Variants in PLA2G4E observed in about 807,000 individuals in gnomAD.
The protein encoded by PLA2G4E is phospholipase A2 group IVE.
PLA2G4E carries 84 observed loss-of-function variants against 109.1 expected under a neutral mutation model. The ratio of observed to expected loss-of-function variants is 0.77; its 90% CI spans 0.65 to 0.92. The LOEUF (loss-of-function observed/expected upper bound fraction) is 0.92, where lower values mean the gene tolerates loss of function less well. Among genes scored for constraint, PLA2G4E ranks in the 40% least tolerant of loss-of-function variants. The pLI, the probability that PLA2G4E is intolerant of heterozygous loss-of-function variation, is 0.00. For missense variants in PLA2G4E, 1,057 were observed against 1,076.6 expected, an observed-to-expected ratio of 0.98 and a Z score of 0.25; for synonymous variants, 469 against 436.1, an observed-to-expected ratio of 1.08 and a Z score of -0.94.
At chr15:41,982,818 G>C (rs1413921984) in exon 20 of PLA2G4E, 1 of 152,270 alleles carries the variant, frequency 6.6e-6, no homozygotes, top group Non-Finnish European at 1.5e-5. Context: ...TGGATCACCA[G>C]CCCTGGAGCT....
chr15:42,020,103 C>T (rs540325952), intron 1 of PLA2G4E, among the ~76,000 whole-genome samples: 141 of 152,348 alleles, frequency 9.3e-4, no homozygotes, highest in Middle Eastern at 3.4e-3. Context: ...GGGCATTGGC[C>T]ACCACCCACC....
chr15:42,044,859 G>A (rs1402683697), intron 1 of PLA2G4E, among the ~76,000 whole-genome samples: 1 of 152,136 alleles, frequency 6.6e-6, no homozygotes, highest in Non-Finnish European at 1.5e-5. Context: ...GCAGGACAGG[G>A]ACAGGAAGAT....
chr15:42,043,058 A>T (rs1249802719), intron 1 of PLA2G4E, among the ~76,000 whole-genome samples: 1 of 152,212 alleles, frequency 6.6e-6, no homozygotes, highest in Non-Finnish European at 1.5e-5. Context: ...TCTTAGAATT[A>T]TGCAAGGGGT....
rs555210123 is a variant in PLA2G4E, at chr15:42,013,584, C to G, written c.256+101G>C. On this transcript the variant is annotated intron_variant, in intron 2 of 19. Transcript: ENST00000399518. ...CACCATGCACGTGCACACGTGCGCG[C>G]GCACACACACACACGGATCCACCTG... 1.1e-5 allele frequency: 13 copies of G among 1,145,466 alleles called. No individual in the cohort carries two copies. The East Asian group carries it at 2.8e-4, about 25-fold the overall frequency. The allele number at this position is 1,145,466 out of a possible 1,614,324, so 71.0% of individuals were successfully genotyped here.
At chr15:42,003,066 A>C (rs1427863373) in intron 5 of PLA2G4E, among the ~76,000 whole-genome samples, 1 of 152,248 alleles carries the variant, frequency 6.6e-6, no homozygotes, top group Non-Finnish European at 1.5e-5. Flanking sequence ...TTTGGTAGTG[A>C]AAATGATCCA....
intron 1 of PLA2G4E, among the ~76,000 whole-genome samples, chr15:42,033,653 T>G (rs1889155953): frequency 1.3e-5 from 2 of 152,120 alleles, no homozygotes; most frequent in Non-Finnish European, 2.9e-5. Flanking sequence ...GGGCAGCACC[T>G]GGGTGAGGCT....
chr15:42,037,137 C>T (rs1403130050), intron 1 of PLA2G4E, among the ~76,000 whole-genome samples: 1 of 152,218 alleles, frequency 6.6e-6, no homozygotes, highest in Non-Finnish European at 1.5e-5. Context: ...TGTAGGTGCC[C>T]CTTGGCACCA....
exon 15 of PLA2G4E, chr15:41,989,503 G>A: frequency 1.9e-6 from 3 of 1,613,924 alleles, no homozygotes; most frequent in Non-Finnish European, 2.5e-6. Context: ...AGGGGATGAA[G>A]GCCCCATACT....
intron 1 of PLA2G4E, among the ~76,000 whole-genome samples, chr15:42,025,461 C>T (rs2068685805): frequency 6.6e-6 from 1 of 152,092 alleles, no homozygotes; most frequent in Admixed American, 6.6e-5. Context: ...TGTTCCCATA[C>T]ATCTTCCTGT....
chr15:42,047,907 A>G (rs543218849), intron 1 of PLA2G4E, among the ~76,000 whole-genome samples: 29 of 152,238 alleles, frequency 1.9e-4, no homozygotes, highest in Non-Finnish European at 3.4e-4. Flanking sequence ...AATATTATTT[A>G]GCCACTAAAA....
At chr15:42,040,830 G>A (rs955160456) in intron 1 of PLA2G4E, among the ~76,000 whole-genome samples, 2 of 152,020 alleles carry the variant, frequency 1.3e-5, no homozygotes, top group Admixed American at 6.5e-5. Flanking sequence ...TGATGTAATT[G>A]GTATGGTGTA....
In PLA2G4E at chr15:41,983,681, C is replaced by T. The variant is rs1272644780; in HGVS notation, c.*73G>A. ...GAGAGCAGAGCTGGCTGCGTAGTAA[C>T]CTGGTCAGCCCTGAGGGGTCCTGCA... On this transcript the variant is annotated 3_prime_UTR_variant, in exon 20 of 20. Coordinates refer to ENST00000399518, the Ensembl canonical transcript of PLA2G4E. The T allele has an allele frequency of 3.7e-6, 5 of 1,358,982 alleles. No homozygotes were observed. In the Admixed American group the frequency reaches 1.0e-4, roughly 28 times the overall value. 84.2% of individuals were successfully genotyped at this position (1,358,982 alleles called of 1,614,324 possible).
chr15:42,002,525 A>T (rs2068432245), intron 6 of PLA2G4E, 129 bp downstream of exon 6: 2 of 1,063,832 alleles, frequency 1.9e-6, no homozygotes, highest in Non-Finnish European at 2.8e-6. Context: ...CGTTTAGTCT[A>T]ACTCCTGCAG....
rs1224290803 is a variant in PLA2G4E, at chr15:42,013,763, G to T, written c.184-6C>A. 1 of 1,549,332 alleles carries T rather than the reference G, an allele frequency of 6.5e-7. No individual in the cohort carries two copies. The highest frequency in any genetic ancestry group is 1.4e-5 in the African/African-American group (1 of 73,114). On this transcript the variant is annotated splice_region_variant and splice_polypyrimidine_tract_variant and intron_variant, in intron 1 of 19. Coordinates refer to ENST00000399518, the Ensembl canonical transcript of PLA2G4E. ...TGGCATGGAGACAGCCCCTCCTGTG[G>T]AAGGAGAGGACAGAGGACTCAGTCT...
At chr15:42,050,668 C>T in exon 1 of PLA2G4E, 2 of 1,550,536 alleles carry the variant, frequency 1.3e-6, no homozygotes, top group Non-Finnish European at 8.7e-7. Flanking sequence ...CATTAGTTCC[C>T]AGGCCAGGAC....
In PLA2G4E at chr15:41,995,333, C is replaced by T. The variant is rs373359874; in HGVS notation, c.1247+27G>A. On this transcript the variant is annotated intron_variant, in intron 12 of 19. Transcript: ENST00000399518. ...CCTGTTCGTGGCTTGCCCTGGGCTC[C>T]ACAGACAGTGGCTCATGTCTCCTTA... 8 of 1,605,162 alleles carry T rather than the reference C, an allele frequency of 5.0e-6. 1 individual carries two copies. The African/African-American group carries it at 9.4e-5, about 19-fold the overall frequency.
At chr15:42,021,811 A>G (rs1036475596) in intron 1 of PLA2G4E, among the ~76,000 whole-genome samples, 1 of 152,142 alleles carries the variant, frequency 6.6e-6, no homozygotes, top group Non-Finnish European at 1.5e-5. Flanking sequence ...TGCCTGAGCT[A>G]TTGCCTGGGG....
At chr15:42,026,155 G>A (rs1356849857) in intron 1 of PLA2G4E, among the ~76,000 whole-genome samples, 1 of 151,984 alleles carries the variant, frequency 6.6e-6, no homozygotes, top group Admixed American at 6.6e-5. Flanking sequence ...TAAAAAAAAA[G>A]ATATAGAGGA....
exon 12 of PLA2G4E, chr15:41,995,392 G>A (rs2068321741): frequency 1.2e-6 from 2 of 1,613,660 alleles, no homozygotes; most frequent in African/African-American, 1.3e-5. Flanking sequence ...TGATGTAGCT[G>A]GCACAGTCCA....
Sources: allele counts gnomAD v4.1 joint callset (sites outside exome capture counted in the v4.1 genomes callset), GRCh38; gene constraint gnomAD v4.1.1; transcripts MANE v1.5; gene names NCBI Gene and HGNC (gene_info 2026-07-23, HGNC 2026-07-21).